The following KCNIP4 variants were observed in gnomAD, a reference collection of about 807,000 sequenced individuals.
The protein encoded by KCNIP4 is potassium voltage-gated channel interacting protein 4.
In KCNIP4, 12 loss-of-function variants were observed where a neutral mutation model predicts 34.0. The ratio of observed to expected loss-of-function variants is 0.35; its 90% CI spans 0.23 to 0.57. The LOEUF (loss-of-function observed/expected upper bound fraction) is 0.57, where lower values mean the gene tolerates loss of function less well. Ranked by LOEUF, KCNIP4 falls within the 20% of genes least tolerant of loss-of-function variation. KCNIP4 has a pLI of 0.83. For synonymous variants in KCNIP4, 124 were observed against 102.2 expected (o/e 1.21, Z -1.29); for missense variants, 238 against 311.7 (o/e 0.76, Z 1.78).
chr4:21,593,649 C>G (rs368107073), intron 1 of KCNIP4, among the ~76,000 whole-genome samples: 18 of 152,226 alleles, frequency 1.2e-4, no homozygotes, highest in African/African-American at 3.9e-4. Context: ...TGCCCCACAA[C>G]CTACTGGAGC....
At chr4:21,598,234 T>C (rs375673051) in intron 1 of KCNIP4, among the ~76,000 whole-genome samples, 1 of 152,132 alleles carries the variant, frequency 6.6e-6, no homozygotes, top group Non-Finnish European at 1.5e-5. Flanking sequence ...TTGGGGATAA[T>C]TGAGTTTCAA....
intron 1 of KCNIP4, among the ~76,000 whole-genome samples, chr4:21,495,534 TAA>T (rs895132868): frequency 7.2e-5 from 11 of 152,084 alleles, no homozygotes; most frequent in African/African-American, 2.4e-4. Flanking sequence ...TGATAAAAGA[TAA>T]AGAGGTTTAG....
At chr4:20,765,567 T>A (rs1755325385) in intron 3 of KCNIP4, among the ~76,000 whole-genome samples, 1 of 152,318 alleles carries the variant, frequency 6.6e-6, no homozygotes, top group South Asian at 2.1e-4. Flanking sequence ...CTCTTTACTG[T>A]CATTGTAAAT....
At chr4:21,744,918 C>T (rs10516398) in intron 1 of KCNIP4, among the ~76,000 whole-genome samples, 14,014 of 152,100 alleles carry the variant, frequency 0.092, 684 homozygotes, top group Middle Eastern at 0.18. Context: ...TATTTTGCAC[C>T]GACCTACCGT....
intron 1 of KCNIP4, among the ~76,000 whole-genome samples, chr4:21,523,208 C>T (rs138471390): frequency 3.3e-5 from 5 of 151,902 alleles, no homozygotes; most frequent in Admixed American, 3.3e-4. Flanking sequence ...TATAAGGTAC[C>T]AAGCTTATGG....
intron 1 of KCNIP4, among the ~76,000 whole-genome samples, chr4:21,503,405 G>T (rs980405042): frequency 6.6e-6 from 1 of 152,126 alleles, no homozygotes; most frequent in African/African-American, 2.4e-5. Flanking sequence ...AAACAAAACT[G>T]TAATCATAGA....
chr4:21,758,331 A>G (rs1014983326), intron 1 of KCNIP4, among the ~76,000 whole-genome samples: 4 of 152,220 alleles, frequency 2.6e-5, no homozygotes, highest in African/African-American at 9.6e-5. Context: ...GAATAGAGTA[A>G]CTGAAGATGT....
intron 1 of KCNIP4, among the ~76,000 whole-genome samples, chr4:21,015,315 CAG>C (rs1165901107): frequency 1.4e-5 from 2 of 147,502 alleles, no homozygotes; most frequent in Middle Eastern, 3.6e-3. Flanking sequence ...AATGGAGAGA[CAG>C]AGAGAGAGGT....
chr4:21,658,448 C>T (rs975347675), intron 1 of KCNIP4, among the ~76,000 whole-genome samples: 1 of 152,132 alleles, frequency 6.6e-6, no homozygotes, highest in Admixed American at 6.5e-5. Flanking sequence ...CTGAGTCTCA[C>T]TGTATTGCCC....
At chr4:21,402,965 C>T (rs985961633) in intron 1 of KCNIP4, among the ~76,000 whole-genome samples, 1 of 152,148 alleles carries the variant, frequency 6.6e-6, no homozygotes, top group African/African-American at 2.4e-5. Flanking sequence ...CTCTGGCATC[C>T]CTTCTTAGGC....
intron 3 of KCNIP4, among the ~76,000 whole-genome samples, chr4:20,795,417 T>C (rs1177710842): frequency 6.6e-6 from 1 of 152,212 alleles, no homozygotes; most frequent in East Asian, 1.9e-4. Flanking sequence ...CTTTTATTAA[T>C]ATCAGTTTTC....
chr4:21,207,207 T>C (rs1307608808), intron 1 of KCNIP4, among the ~76,000 whole-genome samples: 2 of 152,136 alleles, frequency 1.3e-5, no homozygotes, highest in Non-Finnish European at 2.9e-5. Flanking sequence ...TAAGTTATAA[T>C]GTATTAGAAA....
At chr4:21,491,383 TTTTG>T (rs1732384558) in intron 1 of KCNIP4, among the ~76,000 whole-genome samples, 1 of 152,094 alleles carries the variant, frequency 6.6e-6, no homozygotes, top group South Asian at 2.1e-4. Flanking sequence ...GCCACTTGTT[TTTTG>T]TTTGTTTGAG....
intron 1 of KCNIP4, among the ~76,000 whole-genome samples, chr4:20,987,157 A>C (rs1437865151): frequency 2.0e-5 from 3 of 152,120 alleles, no homozygotes; most frequent in Admixed American, 6.5e-5. Context: ...GCGCTTTGGG[A>C]GGCTTAGGTG....
rs80017592 is a variant in KCNIP4 at position 20,933,677 on chromosome 4, A to T, written c.62-50968T>A. The stretch of plus-strand genomic sequence containing the variant: ...ACAATTGTTACTTTAAGCTAAAATT[A>T]TATGGATTTGACTCTTCATTTCCTT... On this transcript the variant is annotated intron_variant, in intron 1 of 8. Coordinates refer to ENST00000382152, the MANE Select transcript of KCNIP4 (RefSeq NM_025221.6). 1.2e-3 allele frequency among the ~76,000 whole-genome samples: 178 copies of T among 152,182 alleles called. 3 individuals are homozygous for T. In the East Asian group the frequency reaches 0.032, roughly 27 times the overall value.
chr4:20,899,220 T>A (rs1726893429), intron 1 of KCNIP4, among the ~76,000 whole-genome samples: 1 of 152,192 alleles, frequency 6.6e-6, no homozygotes, highest in Admixed American at 6.5e-5. Flanking sequence ...AATGCTTTAA[T>A]CCTAAATCCT....
chr4:21,879,785 T>C (rs1192368360), intron 1 of KCNIP4, among the ~76,000 whole-genome samples: 1 of 152,166 alleles, frequency 6.6e-6, no homozygotes, highest in African/African-American at 2.4e-5. Flanking sequence ...TCTCATCTTA[T>C]AGTTCCCATA....
At chr4:21,317,823 G>A (rs1011145028) in intron 1 of KCNIP4, among the ~76,000 whole-genome samples, 2 of 152,156 alleles carry the variant, frequency 1.3e-5, no homozygotes, top group Non-Finnish European at 2.9e-5. Context: ...GAGATCTGAT[G>A]TTTTTAAAAA....
At chr4:21,554,619 A>T (rs987273836) in intron 1 of KCNIP4, among the ~76,000 whole-genome samples, 1 of 152,022 alleles carries the variant, frequency 6.6e-6, no homozygotes, top group African/African-American at 2.4e-5. Context: ...GTTTGCAGAA[A>T]CAATTCCTTC....
Sources: gnomAD v4.1 joint callset for allele counts (sites outside exome capture counted in the v4.1 genomes callset) on GRCh38, gnomAD v4.1.1 for gene constraint, MANE v1.5 for transcripts, NCBI Gene and HGNC (gene_info 2026-07-23, HGNC 2026-07-21) for gene names.